The following CFAP141 variants were observed in gnomAD, a reference collection of about 807,000 sequenced individuals.
CFAP141 encodes cilia and flagella associated protein 141.
At chr1:154,205,665 C>T in the CFAP141 span, 1 of 1,608,218 alleles carries the variant, frequency 6.2e-7, no homozygotes, top group East Asian at 2.2e-5. Flanking sequence ...TTCTGTTGAT[C>T]TGCCTCAGTC....
At chr1:154,202,729 AG>A in the CFAP141 span, among the ~76,000 whole-genome samples, 18 of 152,176 alleles carry the variant, frequency 1.2e-4, no homozygotes, top group Admixed American at 4.6e-4. Context: ...TGAACCCAGG[AG>A]ACAGAGCTTG....
At chr1:154,206,204 T>A in the CFAP141 span, 1 of 1,401,368 alleles carries the variant, frequency 7.1e-7, no homozygotes, top group South Asian at 1.2e-5. Context: ...CAGTAAAAGA[T>A]GCACTTATAG....
the CFAP141 span, chr1:154,199,368 T>A: frequency 1.1e-5 from 13 of 1,197,898 alleles, no homozygotes; most frequent in East Asian, 2.9e-4. Flanking sequence ...GTGGTAGAGG[T>A]TCTAGAAGGC....
chr1:154,199,240 T>C, the CFAP141 span: 8 of 487,392 alleles, frequency 1.6e-5, no homozygotes, highest in East Asian at 2.5e-4. Flanking sequence ...GTTTCATAGA[T>C]TGTTTCCCAA....
chr1:154,200,294 GT>G, the CFAP141 span, among the ~76,000 whole-genome samples: 5 of 152,352 alleles, frequency 3.3e-5, no homozygotes, highest in African/African-American at 1.2e-4. Context: ...ATGAAAAAGA[GT>G]TTTGGCAATG....
the CFAP141 span, among the ~76,000 whole-genome samples, chr1:154,204,133 T>C: frequency 6.6e-6 from 1 of 151,228 alleles, no homozygotes; most frequent in African/African-American, 2.4e-5. Context: ...GCAATAGTCA[T>C]GAACATTCTT....
the CFAP141 span, among the ~76,000 whole-genome samples, chr1:154,203,813 G>A: frequency 4.0e-5 from 6 of 151,898 alleles, no homozygotes; most frequent in Admixed American, 2.0e-4. Flanking sequence ...GGTGGCTCAC[G>A]CCTATAATTC....
the CFAP141 span, among the ~76,000 whole-genome samples, chr1:154,202,914 A>G: frequency 1.3e-5 from 2 of 151,808 alleles, no homozygotes; most frequent in Non-Finnish European, 2.9e-5. Flanking sequence ...TGAGGCCAGG[A>G]GTTCAAGACC....
the CFAP141 span, chr1:154,200,319 G>A: frequency 3.1e-5 from 26 of 825,556 alleles, no homozygotes; most frequent in African/African-American, 4.5e-4. Context: ...TTAGAGTTGT[G>A]TTGCTCTGGT....
the CFAP141 span, among the ~76,000 whole-genome samples, chr1:154,200,121 C>T: frequency 1.2e-4 from 18 of 152,108 alleles, no homozygotes; most frequent in African/African-American, 3.4e-4. Flanking sequence ...GCGATCTGCC[C>T]GTCTTGGCCC....
At chr1:154,200,676 T>A in the CFAP141 span, 1 of 1,383,322 alleles carries the variant, frequency 7.2e-7, no homozygotes, top group African/African-American at 1.5e-5. Context: ...CTGTTTCTTT[T>A]TTCTTTTTCT....
chr1:154,201,044 A>G, the CFAP141 span, among the ~76,000 whole-genome samples: 1 of 152,020 alleles, frequency 6.6e-6, no homozygotes, highest in Non-Finnish European at 1.5e-5. Context: ...AAATCCTTAA[A>G]AGGGTAATTT....
At chr1:154,201,046 G>A in the CFAP141 span, among the ~76,000 whole-genome samples, 2 of 152,000 alleles carry the variant, frequency 1.3e-5, no homozygotes, top group Admixed American at 6.6e-5. Flanking sequence ...ATCCTTAAAA[G>A]GGTAATTTAG....
the CFAP141 span, chr1:154,199,503 A>C: frequency 1.2e-6 from 2 of 1,613,394 alleles, no homozygotes; most frequent in Non-Finnish European, 1.7e-6. Flanking sequence ...CTTTTCAAAC[A>C]GCTGGTGCAG....
chr1:154,201,679 C>T, the CFAP141 span, among the ~76,000 whole-genome samples: 1 of 151,850 alleles, frequency 6.6e-6, no homozygotes, highest in African/African-American at 2.4e-5. Context: ...TGAGCCACCG[C>T]GCCTGGCCCC....
chr1:154,205,448 A>G, the CFAP141 span: 1 of 736,702 alleles, frequency 1.4e-6, no homozygotes, highest in Admixed American at 2.0e-5. Flanking sequence ...ATTTGCTTTG[A>G]GGACAAGGCT....
chr1:154,205,131 G>C, the CFAP141 span, among the ~76,000 whole-genome samples: 2 of 152,096 alleles, frequency 1.3e-5, no homozygotes, highest in African/African-American at 4.8e-5. Flanking sequence ...CAATCCTCCT[G>C]CCTCAGCCTC....
At chr1:154,199,304 T>A in the CFAP141 span, 662 of 645,896 alleles carry the variant, frequency 1.0e-3, 5 homozygotes, top group African/African-American at 0.011. Flanking sequence ...AAGTGCTGTC[T>A]TAAGTCCCTG....
the CFAP141 span, among the ~76,000 whole-genome samples, chr1:154,199,871 G>T: frequency 1.3e-5 from 2 of 151,858 alleles, no homozygotes; most frequent in Non-Finnish European, 2.9e-5. Flanking sequence ...CTAAGAGGCA[G>T]TTTTTTTTGT....
Sources: gnomAD v4.1 joint callset for allele counts (sites outside exome capture counted in the v4.1 genomes callset) on GRCh38, gnomAD v4.1.1 for gene constraint, MANE v1.5 for transcripts, NCBI Gene and HGNC (gene_info 2026-07-23, HGNC 2026-07-21) for gene names.